The following MFSD11 variants were observed in gnomAD, a reference collection of about 807,000 sequenced individuals.
MFSD11 encodes the protein major facilitator superfamily domain containing 11.
A neutral mutation model predicts 53.5 loss-of-function variants in MFSD11; 36 were observed. The observed-to-expected ratio is 0.67, with a 90% CI of 0.52 to 0.89. MFSD11 has a LOEUF of 0.89. MFSD11 is among the 40% of genes least tolerant of loss of function. MFSD11 has a pLI of 0.00. For synonymous variants in MFSD11, 186 were observed against 184.9 expected, an observed-to-expected ratio of 1.01 and a Z score of -0.05; for missense variants, 530 against 543.9, an observed-to-expected ratio of 0.97 and a Z score of 0.25.
the MFSD11 span, among the ~76,000 whole-genome samples, chr17:76,791,427 T>C: frequency 6.7e-6 from 1 of 149,528 alleles, no homozygotes; most frequent in African/African-American, 2.5e-5. Context: ...TGGTTTAGTT[T>C]TCTCAGTTTT....
At position 76,769,785 on chromosome 17, in the gene MFSD11, G is replaced by C; in HGVS notation, c.788G>C (p.Cys263Ser). ...TTCTTCTCTGGTGTATATGGAACCT[G>C]TATTGGTGCTACAAATAAATTTGGA... ...LTFFSGVYGTCIGATNKFGAE... is the reference protein window; with the variant it reads ...LTFFSGVYGTSIGATNKFGAE... Residue 263 changes from cysteine to serine, a missense_variant, in exon 10 of 13, where the codon TGT becomes TCT. Physicochemically the swap from Cys to Ser is moderately radical, Grantham distance 112. Coordinates refer to ENST00000685175, the MANE Select transcript of MFSD11 (RefSeq NM_001242532.5). 2 of 1,611,570 alleles carry C rather than the reference G, an allele frequency of 1.2e-6. No individual in the cohort carries two copies. Among genetic ancestry groups the C allele is most frequent in the Non-Finnish European group, 1.7e-6 (2 of 1,178,552 alleles).
the MFSD11 span, among the ~76,000 whole-genome samples, chr17:76,792,051 C>A: frequency 2.0e-5 from 3 of 148,756 alleles, 1 homozygote; most frequent in Non-Finnish European, 3.0e-5. Flanking sequence ...CACGGCCTGA[C>A]CTTCCAAAGC....
In MFSD11 at chr17:76,738,422, G is replaced by C; in HGVS notation, c.70G>C (p.Ala24Pro). 6.2e-7 allele frequency: 1 copy of C among 1,613,996 alleles called. No individual in the cohort carries two copies. Among genetic ancestry groups the C allele is most frequent in the Non-Finnish European group, 8.5e-7 (1 of 1,179,872 alleles). ...AGTTGCCTTTATGTTTATGTTCACT[G>C]CCTTTCAAACTTGTGGAAATGTGGC... ...LGVAFMFMFTAFQTCGNVAQT... is the reference protein window; with the variant it reads ...LGVAFMFMFTPFQTCGNVAQT... The change falls in exon 1 of 13, where the codon GCC becomes CCC. Residue 24 changes from alanine to proline, a missense_variant. Coordinates refer to ENST00000685175, the MANE Select transcript of MFSD11 (RefSeq NM_001242532.5).
At chr17:76,737,057 T>C, upstream of MFSD11, 1 of 1,613,330 alleles carries the variant, frequency 6.2e-7, no homozygotes, top group Non-Finnish European at 8.5e-7. Flanking sequence ...CCCGTACTTC[T>C]CGAAGACGCG....
At chr17:76,757,310 T>C (rs2079751332) in intron 8 of MFSD11, among the ~76,000 whole-genome samples, 1 of 152,190 alleles carries the variant, frequency 6.6e-6, no homozygotes, top group African/African-American at 2.4e-5. Context: ...GATATTGGGC[T>C]GTCAGGTTTG....
intron 6 of MFSD11, 32 bp downstream of exon 6, chr17:76,743,488 ATG>A (rs1480089043): frequency 7.0e-7 from 1 of 1,428,766 alleles, no homozygotes; most frequent in African/African-American, 1.5e-5. Flanking sequence ...TTATTCAGAT[ATG>A]TTCAAAGCAT....
the MFSD11 span, among the ~76,000 whole-genome samples, chr17:76,791,034 G>A: frequency 2.0e-5 from 3 of 148,390 alleles, 1 homozygote; most frequent in Non-Finnish European, 4.5e-5. Flanking sequence ...CTTAATACTA[G>A]GATGTATATT....
chr17:76,769,974 TC>T (rs2081243953), intron 10 of MFSD11, 103 bp downstream of exon 10: 1 of 1,104,834 alleles, frequency 9.1e-7, no homozygotes, highest in African/African-American at 1.6e-5. Context: ...TTCTGTTTTT[TC>T]TACTTATTTT....
chr17:76,794,815 C>T, the MFSD11 span, among the ~76,000 whole-genome samples: 1 of 150,164 alleles, frequency 6.7e-6, no homozygotes, highest in Non-Finnish European at 1.5e-5. Context: ...GCCTCAGTCT[C>T]CCAAGTAGCT....
chr17:76,788,944 C>G, the MFSD11 span, among the ~76,000 whole-genome samples: 1 of 149,390 alleles, frequency 6.7e-6, no homozygotes. Flanking sequence ...AAGTTCGAGA[C>G]CAGCCTGGCC....
At chr17:76,742,583 A>G (rs2078196147) in intron 5 of MFSD11, among the ~76,000 whole-genome samples, 1 of 151,918 alleles carries the variant, frequency 6.6e-6, no homozygotes, top group South Asian at 2.1e-4. Flanking sequence ...GCTTACTGCA[A>G]GCTCTGCCTC....
At chr17:76,793,797 C>T in the MFSD11 span, among the ~76,000 whole-genome samples, 1 of 151,570 alleles carries the variant, frequency 6.6e-6, no homozygotes, top group African/African-American at 2.4e-5. Context: ...GTTCTTCTGC[C>T]ATGGCTTCAG....
At chr17:76,791,968 A>G in the MFSD11 span, among the ~76,000 whole-genome samples, 9 of 147,634 alleles carry the variant, frequency 6.1e-5, no homozygotes, top group Admixed American at 1.3e-4. Flanking sequence ...CAGGGCACTC[A>G]CGTCTATTCA....
chr17:76,782,035 A>C (rs2082175559), downstream of MFSD11, among the ~76,000 whole-genome samples: 1 of 141,668 alleles, frequency 7.1e-6, no homozygotes, highest in African/African-American at 2.8e-5. Context: ...TGCCCAGGCT[A>C]GCCTTGAACT....
chr17:76,782,386 G>A (rs892580906), downstream of MFSD11, among the ~76,000 whole-genome samples: 2 of 151,300 alleles, frequency 1.3e-5, no homozygotes, highest in African/African-American at 4.9e-5. Context: ...TGTTGGTCAG[G>A]CTGGTCTTGA....
At chr17:76,784,884 G>A (rs1287472864), downstream of MFSD11, among the ~76,000 whole-genome samples, 1 of 152,226 alleles carries the variant, frequency 6.6e-6, no homozygotes, top group Non-Finnish European at 1.5e-5. Context: ...GGGCAACAGA[G>A]TGAGACTCCG....
At chr17:76,745,678 C>T (rs1449512204) in intron 7 of MFSD11, among the ~76,000 whole-genome samples, 1 of 152,194 alleles carries the variant, frequency 6.6e-6, no homozygotes, top group Non-Finnish European at 1.5e-5. Context: ...TGTTCCACTG[C>T]AGGCCATCCC....
intron 8 of MFSD11, among the ~76,000 whole-genome samples, chr17:76,755,812 A>ATATATATATATAT (rs1555669398): frequency 1.0e-4 from 2 of 19,516 alleles, no homozygotes; most frequent in African/African-American, 1.6e-4. Flanking sequence ...ATATATATAT[A>ATATATATATATAT]TTTTTTTTTT....
chr17:76,798,638 C>T, the MFSD11 span, among the ~76,000 whole-genome samples: 2 of 152,118 alleles, frequency 1.3e-5, no homozygotes, highest in African/African-American at 4.8e-5. Context: ...AAATATATTT[C>T]TTATTATATC....
Sources: gnomAD v4.1 joint callset for allele counts (sites outside exome capture counted in the v4.1 genomes callset) on GRCh38, gnomAD v4.1.1 for gene constraint, MANE v1.5 for transcripts, NCBI Gene and HGNC (gene_info 2026-07-23, HGNC 2026-07-21) for gene names.